The following NT5DC3 variants were observed in gnomAD, a reference collection of about 807,000 sequenced individuals.
The protein encoded by NT5DC3 is 5'-nucleotidase domain-containing protein 3.
A neutral mutation model predicts 67.8 loss-of-function variants in NT5DC3; 42 were observed. That is an observed-to-expected ratio of 0.62 (90% CI 0.48 to 0.80). The LOEUF (loss-of-function observed/expected upper bound fraction) is 0.80. Among genes scored for constraint, NT5DC3 ranks in the 30% least tolerant of loss-of-function variants. NT5DC3 has a pLI of 0.00. For synonymous variants in NT5DC3, 237 were observed against 255.6 expected, an observed-to-expected ratio of 0.93 and a Z score of 0.69; for missense variants, 570 against 696.4, an observed-to-expected ratio of 0.82 and a Z score of 2.04.
chr12:103,755,363 C>G, the NT5DC3 span: 1 of 1,614,154 alleles, frequency 6.2e-7, no homozygotes, highest in Non-Finnish European at 8.5e-7. Flanking sequence ...TACCCCACAG[C>G]CTTCGCCTCC....
In NT5DC3 at chr12:103,774,827, T is replaced by C. The variant is rs1037661713; in HGVS notation, c.*3002A>G. ...GAGTTTGAGACCAGCCTGGCCAACA[T>C]GGTGAAACCCCATCTCTATTAAAAC... On this transcript the variant is annotated 3_prime_UTR_variant, in exon 14 of 14. Transcript: ENST00000392876. 2 of 151,102 alleles carry C rather than the reference T, an allele frequency of 1.3e-5. No individual in the cohort carries two copies. Among genetic ancestry groups the C allele is most frequent in the African/African-American group, 2.4e-5 (1 of 40,982 alleles). 9.4% of individuals were successfully genotyped at this position (151,102 alleles called of 1,614,324 possible).
chr12:103,750,453 A>G, the NT5DC3 span: 1 of 1,212,980 alleles, frequency 8.2e-7, no homozygotes, highest in Non-Finnish European at 1.2e-6. Context: ...CCCACTGGAC[A>G]GGAAAGGCAC....
intron 2 of NT5DC3, among the ~76,000 whole-genome samples, chr12:103,810,419 A>T (rs1886981689): frequency 6.6e-6 from 1 of 152,232 alleles, no homozygotes; most frequent in Non-Finnish European, 1.5e-5. Context: ...CAACGGTCTC[A>T]GCTAGATTTT....
At chr12:103,808,001 G>A (rs1291777629) in intron 2 of NT5DC3, among the ~76,000 whole-genome samples, 2 of 152,102 alleles carry the variant, frequency 1.3e-5, no homozygotes, top group Non-Finnish European at 2.9e-5. Context: ...AACTAATACA[G>A]CAGCCCAGTT....
In NT5DC3 at chr12:103,841,057, GC is replaced by G. The variant is rs1265781876; in HGVS notation, c.99del (p.Arg34GlyfsTer20). ...GGCCGGGCGGGGCCCGCACACGGCC[GC>G]CCCCGAGCCGCGGTCCCGCAGCCAC... The part of the protein sequence containing the change: ...LRGGCGTAAR[G>X]RPCAGPARPL... On this transcript the variant is annotated frameshift_variant, in exon 1 of 14. Transcript: ENST00000392876. LOFTEE classifies it high-confidence loss of function. 1.6e-6 allele frequency: 2 copies of G among 1,259,032 alleles called. No individual in the cohort carries two copies. The allele number at this position is 1,259,032 out of a possible 1,614,324, so 78.0% of individuals were successfully genotyped here.
chr12:103,753,459 A>G, the NT5DC3 span: 8 of 1,477,944 alleles, frequency 5.4e-6, no homozygotes, highest in Admixed American at 1.8e-5. Context: ...CAAGCAAGGG[A>G]GTGCAGGTAG....
intron 1 of NT5DC3, among the ~76,000 whole-genome samples, chr12:103,822,649 G>A (rs1354465258): frequency 2.6e-5 from 4 of 152,274 alleles, no homozygotes; most frequent in African/African-American, 9.6e-5. Context: ...TTTTGGGGGT[G>A]TTCTATTCTT....
chr12:103,809,845 G>A (rs1487870086), intron 2 of NT5DC3, among the ~76,000 whole-genome samples: 1 of 152,150 alleles, frequency 6.6e-6, no homozygotes, highest in Non-Finnish European at 1.5e-5. Context: ...GCGCCAACAG[G>A]ACGATGTCAT....
chr12:103,750,728 T>C, the NT5DC3 span: 10 of 1,609,004 alleles, frequency 6.2e-6, no homozygotes, highest in Non-Finnish European at 8.5e-6. Flanking sequence ...AGGGTTAGTG[T>C]GACCAGGGCC....
chr12:103,819,845 A>G (rs1039773154), intron 1 of NT5DC3: 2 of 152,246 alleles, frequency 1.3e-5, no homozygotes, highest in African/African-American at 4.8e-5. Flanking sequence ...TATTAAGCAC[A>G]TTCACCTTGT....
intron 2 of NT5DC3, among the ~76,000 whole-genome samples, chr12:103,809,464 G>A (rs1385416567): frequency 6.6e-6 from 1 of 152,164 alleles, no homozygotes; most frequent in Admixed American, 6.5e-5. Context: ...ATATGAGTCC[G>A]TTCTCACGCT....
chr12:103,809,785 C>T (rs936402377), intron 2 of NT5DC3, among the ~76,000 whole-genome samples: 1 of 152,108 alleles, frequency 6.6e-6, no homozygotes, highest in African/African-American at 2.4e-5. Context: ...GGTGGGGACA[C>T]AGCCAAACCA....
At chr12:103,752,567 G>A in the NT5DC3 span, among the ~76,000 whole-genome samples, 1 of 152,150 alleles carries the variant, frequency 6.6e-6, no homozygotes, top group African/African-American at 2.4e-5. Flanking sequence ...ATCTTAGGGG[G>A]AAATGAATTT....
chr12:103,822,045 G>A (rs1266532912), intron 1 of NT5DC3: 2 of 152,162 alleles, frequency 1.3e-5, no homozygotes, highest in East Asian at 3.9e-4. Context: ...AACACCATGT[G>A]AGTCAGAGTT....
At chr12:103,806,475 G>A in intron 3 of NT5DC3, 98 bp from the exon 4 acceptor site, 1 of 851,748 alleles carries the variant, frequency 1.2e-6, no homozygotes, top group Non-Finnish European at 2.0e-6. Context: ...TCAACATTAG[G>A]CTGCCCTAAC....
rs771532802 is a variant in NT5DC3, at chr12:103,814,982, C to A, written c.348G>T (p.Thr116=). Residue 116 remains threonine, a synonymous_variant, in exon 2 of 14, where the codon ACG becomes ACT. Coordinates refer to ENST00000392876, the MANE Select transcript of NT5DC3 (RefSeq NM_001031701.3). The part of the protein sequence containing the change: ...TLVFYSKHLH[T]LIFNAARDLL... Reference sequence around the variant, plus strand: ...GGTCCCGTGCAGCATTAAATATCAGCGTGTGGAGGTGCTTTGAATAAAACA... The same window carrying A: ...GGTCCCGTGCAGCATTAAATATCAGAGTGTGGAGGTGCTTTGAATAAAACA... 1 of 1,613,184 alleles carries A rather than the reference C, an allele frequency of 6.2e-7. No individual in the cohort carries two copies. Among genetic ancestry groups the A allele is most frequent in the Admixed American group, 1.7e-5 (1 of 59,906 alleles).
At chr12:103,783,142 C>T (rs1885629188) in intron 12 of NT5DC3, among the ~76,000 whole-genome samples, 1 of 152,226 alleles carries the variant, frequency 6.6e-6, no homozygotes, top group African/African-American at 2.4e-5. Context: ...CTAGAAACAT[C>T]TACCACAGGC....
At chr12:103,766,290 CTG>C (rs1884958495), downstream of NT5DC3, 2 of 1,614,032 alleles carry the variant, frequency 1.2e-6, no homozygotes, top group African/African-American at 2.7e-5. Context: ...TTCCAGGACT[CTG>C]AAGAACGGCA....
intron 12 of NT5DC3, among the ~76,000 whole-genome samples, chr12:103,784,048 C>T (rs1431439267): frequency 2.6e-5 from 4 of 152,220 alleles, no homozygotes; most frequent in African/African-American, 9.6e-5. Flanking sequence ...CTCTCAAAAA[C>T]TGTTTCCTTA....
Sources: gnomAD v4.1 joint callset for allele counts (sites outside exome capture counted in the v4.1 genomes callset) on GRCh38, gnomAD v4.1.1 for gene constraint, MANE v1.5 for transcripts, NCBI Gene and HGNC (gene_info 2026-07-23, HGNC 2026-07-21) for gene names.